KCNQ2: variants seen among roughly 807,000 people sequenced by gnomAD.
The protein encoded by KCNQ2 is potassium voltage-gated channel subfamily Q member 2.
KCNQ2 carries 14 observed loss-of-function variants against 84.8 expected under a neutral mutation model. That is an observed-to-expected ratio of 0.17 (90% confidence interval 0.11 to 0.26). The LOEUF (loss-of-function observed/expected upper bound fraction) is 0.26, where lower values mean the gene tolerates loss of function less well. Among genes scored for constraint, KCNQ2 ranks in the 10% least tolerant of loss-of-function variants. The pLI is 1.00. For missense variants in KCNQ2, 788 were observed against 1,254.0 expected, an observed-to-expected ratio of 0.63 and a Z score of 5.61; for synonymous variants, 599 against 554.1, an observed-to-expected ratio of 1.08 and a Z score of -1.14.
chr20:63,423,984 G>A lies in KCNQ2; in HGVS notation c.1247+193C>T, dbSNP rs45464194. ...AAAGTAAAACCGAATCACTGGGGAG[G>A]GGGTGAGCAGGAAGAGTGATTTAAG... is the stretch of plus-strand genomic sequence containing the variant. On this transcript the variant is annotated intron_variant, in intron 11 of 16. Coordinates refer to ENST00000359125, the MANE Select transcript of KCNQ2 (RefSeq NM_172107.4). The A allele has an allele frequency of 0.08, 51,752 of 644,004 alleles. 2,597 individuals carry two copies. Among genetic ancestry groups the A allele is most frequent in the Admixed American group, 0.14 (5,473 of 40,198 alleles). The allele number at this position is 644,004 out of a possible 1,614,324, so 39.9% of individuals were successfully genotyped here. A position where few individuals can be genotyped will look rare whatever the true frequency, so the allele number is the denominator to read the frequency against.
In KCNQ2 at chr20:63,413,592, G is replaced by GT. The variant is rs745393879; in HGVS notation, c.1632-12dup. 1.2e-6 allele frequency: 2 copies of GT among 1,611,008 alleles called. No homozygotes were observed. The highest frequency in any genetic ancestry group is 1.7e-6 in the Non-Finnish European group (2 of 1,178,384). ...AGGAACCGCATGACACTGCAGGGGG[G>GT]TGGGTGGGGCTGTGAGCCCTGGGCC... is the stretch of plus-strand genomic sequence containing the variant. On this transcript the variant is annotated splice_polypyrimidine_tract_variant and intron_variant, in intron 14 of 16. Transcript: ENST00000359125.
intron 1 of KCNQ2, chr20:63,466,697 T>G (rs961951902): frequency 6.6e-6 from 1 of 152,004 alleles, no homozygotes; most frequent in Non-Finnish European, 1.5e-5. Flanking sequence ...ACAAGGAAAC[T>G]CGGGTCTAGG....
At chr20:63,445,433 C>A (rs1425296915) in intron 2 of KCNQ2, 69 bp from the exon 3 acceptor site, 15 of 1,582,540 alleles carry the variant, frequency 9.5e-6, no homozygotes, top group Admixed American at 1.7e-5. Context: ...CCTGGACACC[C>A]ACAGGAGCAG....
intron 1 of KCNQ2, among the ~76,000 whole-genome samples, chr20:63,467,409 G>A (rs894285107): frequency 4.0e-5 from 6 of 151,760 alleles, no homozygotes; most frequent in East Asian, 1.9e-4. Flanking sequence ...AGGCTAGCCC[G>A]GCTCCTGTGC....
chr20:63,447,876 C>G (rs2081481289), intron 1 of KCNQ2, among the ~76,000 whole-genome samples: 1 of 152,194 alleles, frequency 6.6e-6, no homozygotes, highest in Non-Finnish European at 1.5e-5. Context: ...GGATTACAGT[C>G]ATGAGCTACC....
chr20:63,442,321 G>C, intron 5 of KCNQ2, 85 bp downstream of exon 5: 1 of 1,549,392 alleles, frequency 6.5e-7, no homozygotes, highest in South Asian at 1.1e-5. Context: ...GTATGGAGCA[G>C]GCTCAGCCAG....
chr20:63,420,242 C>T (rs1428831698), intron 11 of KCNQ2, among the ~76,000 whole-genome samples: 6 of 152,250 alleles, frequency 3.9e-5, no homozygotes, highest in Admixed American at 2.6e-4. Context: ...AGGACAGTCA[C>T]GTTGGGGCTC....
chr20:63,433,940 G>T, intron 7 of KCNQ2, 37 bp from the exon 8 acceptor site: 1 of 1,585,028 alleles, frequency 6.3e-7, no homozygotes, highest in Non-Finnish European at 8.7e-7. Context: ...GCGAGGGGCA[G>T]GCGGCGAGGG....
chr20:63,415,996 G>T (rs1028771287), intron 12 of KCNQ2, among the ~76,000 whole-genome samples: 1 of 152,158 alleles, frequency 6.6e-6, no homozygotes, highest in African/African-American at 2.4e-5. Flanking sequence ...CACCCCGGGG[G>T]CCTGCCTGGT....
In KCNQ2 at chr20:63,460,847, C is replaced by G. The variant is rs2081928637; in HGVS notation, c.296+11321G>C. The G allele has an allele frequency of 6.6e-6, 1 of 152,280 alleles. No individual in the cohort carries two copies. The highest frequency in any genetic ancestry group is 1.5e-5 in the Non-Finnish European group (1 of 68,068). 9.4% of individuals were successfully genotyped at this position (152,280 alleles called of 1,614,324 possible). On this transcript the variant is annotated intron_variant, in intron 1 of 16. Transcript: ENST00000359125. This position sits in a 1 kb window ranked among gnomAD's most constrained non-coding sequence, Gnocchi z 5.4. ...ATCCACGCAGGGACACCACACAACACAGGGACTCTGCCGTCATCCATGTCC... is the reference window on the plus strand; with the variant it reads ...ATCCACGCAGGGACACCACACAACAGAGGGACTCTGCCGTCATCCATGTCC...
chr20:63,418,537 G>A (rs1601587496), intron 12 of KCNQ2, among the ~76,000 whole-genome samples: 1 of 152,288 alleles, frequency 6.6e-6, no homozygotes, highest in African/African-American at 2.4e-5. Flanking sequence ...TTGTTCTCTG[G>A]CCTGGGCTCC....
chr20:63,445,660 G>A (rs2081392276), intron 2 of KCNQ2: 2 of 242,406 alleles, frequency 8.3e-6, no homozygotes, highest in Non-Finnish European at 1.4e-5. Context: ...TGTCTGAGCT[G>A]GCAGGGCTGC....
chr20:63,457,464 C>A (rs1214475553), intron 1 of KCNQ2, among the ~76,000 whole-genome samples: 1 of 152,246 alleles, frequency 6.6e-6, no homozygotes, highest in Non-Finnish European at 1.5e-5. Flanking sequence ...TGCTCACGGC[C>A]TCCAAACGGC....
intron 4 of KCNQ2, among the ~76,000 whole-genome samples, chr20:63,442,938 C>T (rs1308690963): frequency 9.0e-4 from 19 of 21,186 alleles, no homozygotes; most frequent in African/African-American, 1.8e-3. Context: ...ACCATCACCA[C>T]CACCATCACC....
intron 1 of KCNQ2, chr20:63,448,024 C>T (rs955759606): frequency 3.3e-5 from 5 of 152,392 alleles, no homozygotes; most frequent in Non-Finnish European, 5.9e-5. Flanking sequence ...GACCCTGCCG[C>T]GGGAACCCGG....
rs557099686 is a variant in KCNQ2 at position 63,406,252 on chromosome 20, C to T, written c.*392G>A. 67 of 237,806 alleles carry T rather than the reference C, an allele frequency of 2.8e-4. No homozygotes were observed. Among genetic ancestry groups the T allele is most frequent in the Non-Finnish European group, 4.6e-4 (55 of 120,326 alleles). 14.7% of individuals were successfully genotyped at this position (237,806 alleles called of 1,614,324 possible). Reference sequence around the variant, plus strand: ...TTTGCGCAGGTCCTCAGGGAACAGGCCTGCCCTTTGTGCCTCCCCTGGGCT... The same window carrying T: ...TTTGCGCAGGTCCTCAGGGAACAGGTCTGCCCTTTGTGCCTCCCCTGGGCT... On this transcript the variant is annotated 3_prime_UTR_variant, in exon 17 of 17. Coordinates refer to ENST00000359125, the MANE Select transcript of KCNQ2 (RefSeq NM_172107.4).
chr20:63,468,604 G>A (rs139316572), intron 1 of KCNQ2, among the ~76,000 whole-genome samples: 12 of 152,336 alleles, frequency 7.9e-5, no homozygotes, highest in African/African-American at 2.6e-4. Context: ...TAGGCCCTCC[G>A]TCCCAGGCCC....
At chr20:63,464,952 G>A (rs2082045623) in intron 1 of KCNQ2, among the ~76,000 whole-genome samples, 1 of 152,240 alleles carries the variant, frequency 6.6e-6, no homozygotes, top group African/African-American at 2.4e-5. Flanking sequence ...ACAACTCAGA[G>A]CAGGTTACAG....
chr20:63,428,332 C>G, intron 10 of KCNQ2, 35 bp downstream of exon 10: 1 of 1,516,190 alleles, frequency 6.6e-7, no homozygotes, highest in Non-Finnish European at 9.0e-7. Flanking sequence ...AGGACTGAGA[C>G]GCCCACCCGC....
Sources: gnomAD v4.1 joint callset for allele counts (sites outside exome capture counted in the v4.1 genomes callset) on GRCh38, gnomAD v4.1.1 for gene constraint, Gnocchi (gnomAD v3.1) non-coding constraint, MANE v1.5 for transcripts, NCBI Gene and HGNC (gene_info 2026-07-23, HGNC 2026-07-21) for gene names.